Variants in DLG2 observed in about 807,000 individuals in gnomAD.
DLG2 encodes the protein disks large homolog 2.
A neutral mutation model predicts 132.5 loss-of-function variants in DLG2; 45 were observed. That is an observed-to-expected ratio of 0.34 (90% CI 0.27 to 0.44). The LOEUF is 0.44. DLG2 is among the 20% of genes least tolerant of loss of function. DLG2 has a pLI of 1.00. For synonymous variants in DLG2, 424 were observed against 419.6 expected, an observed-to-expected ratio of 1.01 and a Z score of -0.13; for missense variants, 1,045 against 1,196.9, an observed-to-expected ratio of 0.87 and a Z score of 1.87.
At chr11:83,655,293 A>G (rs1412248908) in intron 18 of DLG2, among the ~76,000 whole-genome samples, 1 of 152,260 alleles carries the variant, frequency 6.6e-6, no homozygotes, top group African/African-American at 2.4e-5. Flanking sequence ...AGAATGAAAG[A>G]CAATAAACAT....
At chr11:84,544,055 C>G (rs900931921) in intron 6 of DLG2, among the ~76,000 whole-genome samples, 2 of 152,134 alleles carry the variant, frequency 1.3e-5, no homozygotes, top group African/African-American at 4.8e-5. Context: ...TTTTAAGGAA[C>G]TGATGATTTA....
rs189517059 is a variant in DLG2 at position 85,190,562 on chromosome 11, A to G, written c.187-35911T>C. 1.2e-3 allele frequency among the ~76,000 whole-genome samples: 177 copies of G among 152,316 alleles called. 1 individual carries two copies. The highest frequency in any genetic ancestry group is 4.1e-3 in the African/African-American group (170 of 41,578). On this transcript the variant is annotated intron_variant, in intron 4 of 27. Coordinates refer to ENST00000376104, the MANE Select transcript of DLG2 (RefSeq NM_001142699.3). Reference sequence around the variant, plus strand: ...ATGTAAAATTCATTTGAAAAAAATCAATGAAACCAAAAGTTGGTTTTCTGA... The same window carrying G: ...ATGTAAAATTCATTTGAAAAAAATCGATGAAACCAAAAGTTGGTTTTCTGA...
In DLG2 at chr11:83,661,141, C is replaced by T. The variant is rs1049969776; in HGVS notation, c.1826-27816G>A. ...TTTGCCCGAGGTTAGTGGGAGACAACCTTGTGCTGTGGGGGATGTGCTGGC... is the reference window on the plus strand; with the variant it reads ...TTTGCCCGAGGTTAGTGGGAGACAATCTTGTGCTGTGGGGGATGTGCTGGC... On this transcript the variant is annotated intron_variant, in intron 18 of 27. Coordinates refer to ENST00000376104, the MANE Select transcript of DLG2 (RefSeq NM_001142699.3). Among the ~76,000 whole-genome samples, 15 of 152,186 alleles carry T rather than the reference C, an allele frequency of 9.9e-5. 1 individual carries two copies. The highest frequency in any genetic ancestry group is 7.2e-4 in the Admixed American group (11 of 15,286).
At chr11:84,338,350 T>C (rs904442649) in intron 7 of DLG2, among the ~76,000 whole-genome samples, 1 of 152,232 alleles carries the variant, frequency 6.6e-6, no homozygotes, top group African/African-American at 2.4e-5. Context: ...AAAATGTTTA[T>C]ACCTAACTGG....
chr11:83,559,053 G>A (rs601826), intron 19 of DLG2, among the ~76,000 whole-genome samples: 72,785 of 151,870 alleles, frequency 0.48, 18,124 homozygotes, highest in African/African-American at 0.58. Flanking sequence ...TCCAATCATG[G>A]GGAACCAGAC....
At chr11:83,793,258 T>C (rs2042025571) in intron 17 of DLG2, among the ~76,000 whole-genome samples, 1 of 152,218 alleles carries the variant, frequency 6.6e-6, no homozygotes, top group South Asian at 2.1e-4. Context: ...CATTATTTCA[T>C]ATCATAGATA....
intron 17 of DLG2, among the ~76,000 whole-genome samples, chr11:83,792,635 AC>A (rs2041876449): frequency 6.6e-6 from 1 of 152,110 alleles, no homozygotes; most frequent in African/African-American, 2.4e-5. Flanking sequence ...TTACTAATAT[AC>A]CTTAGTCAGC....
At chr11:85,401,605 A>G (rs2088118929) in intron 3 of DLG2, among the ~76,000 whole-genome samples, 1 of 152,214 alleles carries the variant, frequency 6.6e-6, no homozygotes, top group South Asian at 2.1e-4. Context: ...GTCTCAGCCC[A>G]AAGTCTTCTT....
intron 4 of DLG2, among the ~76,000 whole-genome samples, chr11:85,225,668 C>T (rs2074931433): frequency 6.6e-6 from 1 of 151,904 alleles, no homozygotes; most frequent in East Asian, 1.9e-4. Flanking sequence ...CTCCTCTTTC[C>T]TTTTCTCTTC....
intron 18 of DLG2, among the ~76,000 whole-genome samples, chr11:83,732,192 G>A (rs1449721183): frequency 2.6e-5 from 4 of 152,126 alleles, no homozygotes; most frequent in Non-Finnish European, 2.9e-5. Flanking sequence ...CAGAAAGCAC[G>A]TATAGGAAGC....
At chr11:84,315,901 G>C (rs1000886025) in intron 7 of DLG2, among the ~76,000 whole-genome samples, 3 of 152,024 alleles carry the variant, frequency 2.0e-5, no homozygotes, top group Non-Finnish European at 4.4e-5. Context: ...TCTCCACTAT[G>C]CTAAAATCAT....
chr11:84,737,704 G>T (rs749651539), intron 6 of DLG2, among the ~76,000 whole-genome samples: 2 of 151,988 alleles, frequency 1.3e-5, no homozygotes, highest in African/African-American at 2.4e-5. Context: ...TCTCAGTAGT[G>T]CAGGCAACAG....
chr11:84,459,242 G>A (rs1048769731), intron 7 of DLG2, among the ~76,000 whole-genome samples: 3 of 150,420 alleles, frequency 2.0e-5, no homozygotes, highest in Admixed American at 6.6e-5. Context: ...TATTCCACAC[G>A]TAGCCATTCT....
Position 84,890,909 on chromosome 11 carries a change from T to C in DLG2, c.357+220752A>G, listed in dbSNP as rs1208348480. 3.9e-5 allele frequency: 6 copies of C among 152,220 alleles called. No individual in the cohort carries two copies. The East Asian group carries it at 1.2e-3, about 29-fold the overall frequency. The allele number at this position is 152,220 out of a possible 1,614,324, so 9.4% of individuals were successfully genotyped here. ...TGTCATGCTGGGGGACAGAGCAGCG[T>C]GTGTGCTGTCTGGATGATTCCTCTT... On this transcript the variant is annotated intron_variant, in intron 6 of 27. Transcript: ENST00000376104.
At chr11:83,787,340 T>A (rs7951943) in intron 17 of DLG2, among the ~76,000 whole-genome samples, 4 of 102,746 alleles carry the variant, frequency 3.9e-5, no homozygotes, top group Admixed American at 2.1e-4. Context: ...TTTTTTTTTT[T>A]AGACAGAGTC....
rs59763913 is a variant in DLG2 at position 84,199,558 on chromosome 11, G to C, written c.574-36047C>G. On this transcript the variant is annotated intron_variant, in intron 8 of 27. Coordinates refer to ENST00000376104, the MANE Select transcript of DLG2 (RefSeq NM_001142699.3). ...TGTTCAAAATTTACATAATAATAAA[G>C]AAAAAATGGAAGAACAAATAGGAAT... 2.3e-3 allele frequency among the ~76,000 whole-genome samples: 355 copies of C among 151,718 alleles called. 1 individual carries two copies. Among genetic ancestry groups the C allele is most frequent in the African/African-American group, 8.0e-3 (330 of 41,434 alleles).
chr11:83,922,607 T>C (rs191551638), intron 15 of DLG2, among the ~76,000 whole-genome samples: 202 of 152,290 alleles, frequency 1.3e-3, no homozygotes, highest in Non-Finnish European at 2.6e-3. Context: ...GTTTCCCAGA[T>C]TGAATCGTGT....
At chr11:84,793,076 T>C (rs1186027135) in intron 6 of DLG2, among the ~76,000 whole-genome samples, 1 of 152,180 alleles carries the variant, frequency 6.6e-6, no homozygotes, top group Non-Finnish European at 1.5e-5. Context: ...TTAGTACTGC[T>C]TTCACTGTAT....
chr11:84,314,546 T>C (rs2098335246), intron 7 of DLG2, among the ~76,000 whole-genome samples: 1 of 152,154 alleles, frequency 6.6e-6, no homozygotes, highest in African/African-American at 2.4e-5. Context: ...AATATACATA[T>C]ATCAGTAGTT....
Sources: gnomAD v4.1 joint callset for allele counts (sites outside exome capture counted in the v4.1 genomes callset) on GRCh38, gnomAD v4.1.1 for gene constraint, MANE v1.5 for transcripts, NCBI Gene and HGNC (gene_info 2026-07-23, HGNC 2026-07-21) for gene names.